Variants in HEPHL1 observed in about 807,000 individuals in gnomAD.
The protein encoded by HEPHL1 is ferroxidase HEPHL1.
HEPHL1 carries 123 observed loss-of-function variants against 122.0 expected under a neutral mutation model. That is an observed-to-expected ratio of 1.01 (90% confidence interval 0.87 to 1.17). The LOEUF is 1.17. Among genes scored for constraint, HEPHL1 ranks in the 50% most tolerant of loss-of-function variants. The probability of loss-of-function intolerance (pLI) is 0.00; values close to 1 mark genes in which losing one functional copy is unlikely to be tolerated. For synonymous variants in HEPHL1, 527 were observed against 508.9 expected, an observed-to-expected ratio of 1.04 and a Z score of -0.48; for missense variants, 1,452 against 1,430.5, an observed-to-expected ratio of 1.01 and a Z score of -0.24.
intron 17 of HEPHL1, among the ~76,000 whole-genome samples, chr11:94,108,572 T>C (rs1045638124): frequency 3.3e-5 from 5 of 152,086 alleles, no homozygotes; most frequent in Admixed American, 2.6e-4. Context: ...AATTTTCATA[T>C]GTGGTTCAAG....
At chr11:94,056,048 T>C in intron 2 of HEPHL1, 1 of 492,422 alleles carries the variant, frequency 2.0e-6, no homozygotes, top group Non-Finnish European at 3.5e-6. Context: ...TTCCTTCCTG[T>C]ATTTTGATGC....
intron 13 of HEPHL1, among the ~76,000 whole-genome samples, chr11:94,097,977 A>C (rs1372639834): frequency 1.3e-5 from 2 of 152,110 alleles, no homozygotes; most frequent in Non-Finnish European, 2.9e-5. Context: ...CCAATTTGCC[A>C]GTCTTTGTCT....
At chr11:94,046,346 C>T (rs1172664669) in intron 2 of HEPHL1, among the ~76,000 whole-genome samples, 4 of 151,492 alleles carry the variant, frequency 2.6e-5, no homozygotes, top group Admixed American at 2.6e-4. Flanking sequence ...GATCCGCCCG[C>T]CTCAGCCTCT....
At chr11:94,042,914 G>T (rs1945799677) in intron 1 of HEPHL1, among the ~76,000 whole-genome samples, 1 of 130,188 alleles carries the variant, frequency 7.7e-6, no homozygotes, top group Non-Finnish European at 1.6e-5. Context: ...TGCTCATTCT[G>T]GCCCAGAGTG....
intron 1 of HEPHL1, among the ~76,000 whole-genome samples, chr11:94,024,638 C>T (rs1025973251): frequency 6.6e-6 from 1 of 152,108 alleles, no homozygotes; most frequent in Non-Finnish European, 1.5e-5. Flanking sequence ...ATGAAGCTTT[C>T]CCCCATGACC....
At chr11:94,104,147 AGGGAAGTAGAGGGAGTGTTT>A (rs1445651923) in intron 15 of HEPHL1, among the ~76,000 whole-genome samples, 1 of 152,170 alleles carries the variant, frequency 6.6e-6, no homozygotes, top group East Asian at 1.9e-4. Flanking sequence ...AGCTGAAAAT[AGGGAAGTAGAGGGAGTGTTT>A]GGGACATGTT....
chr11:94,069,425 T>C (rs1344549732), intron 5 of HEPHL1, among the ~76,000 whole-genome samples: 2 of 152,130 alleles, frequency 1.3e-5, no homozygotes, highest in African/African-American at 2.4e-5. Context: ...CTGGCCCCTA[T>C]AAATTGGTTT....
intron 2 of HEPHL1, among the ~76,000 whole-genome samples, chr11:94,062,564 G>T (rs1945994853): frequency 6.6e-6 from 1 of 151,938 alleles, no homozygotes; most frequent in Non-Finnish European, 1.5e-5. Flanking sequence ...ATTCTTGAAT[G>T]ACTGTGTAAA....
chr11:94,056,384 T>G (rs7938136), intron 2 of HEPHL1, among the ~76,000 whole-genome samples: 88,713 of 151,998 alleles, frequency 0.58, 26,059 homozygotes, highest in South Asian at 0.68. Context: ...ATTTGTCATT[T>G]TGCTAATTAT....
chr11:94,080,513 C>A (rs1444437749), intron 9 of HEPHL1, among the ~76,000 whole-genome samples: 1 of 152,162 alleles, frequency 6.6e-6, no homozygotes, highest in East Asian at 1.9e-4. Flanking sequence ...AACAGACAAC[C>A]TGGAGAGTTG....
At chr11:94,106,808 C>CT (rs1457192590) in intron 17 of HEPHL1, among the ~76,000 whole-genome samples, 1 of 152,112 alleles carries the variant, frequency 6.6e-6, no homozygotes, top group Admixed American at 6.5e-5. Context: ...CCACCCTTTT[C>CT]TTTTTCTGTG....
At chr11:94,067,779 T>C (rs752325456) in intron 5 of HEPHL1, 29 bp downstream of exon 5, 10 of 1,607,754 alleles carry the variant, frequency 6.2e-6, no homozygotes, top group South Asian at 2.2e-5. Flanking sequence ...AGAGTTGATA[T>C]GTTTAGAATG....
chr11:94,112,282 TTA>T lies in HEPHL1; in HGVS notation c.*389_*390del, dbSNP rs1223710648. 1 of 157,358 alleles carries T rather than the reference TTA, an allele frequency of 6.4e-6. No homozygotes were observed. Among genetic ancestry groups the T allele is most frequent in the Non-Finnish European group, 1.4e-5 (1 of 71,706 alleles). 9.7% of individuals were successfully genotyped at this position (157,358 alleles called of 1,614,324 possible). A position where few individuals can be genotyped will look rare whatever the true frequency, so the allele number is the denominator to read the frequency against. On this transcript the variant is annotated 3_prime_UTR_variant, in exon 20 of 20. Transcript: ENST00000315765. The stretch of plus-strand genomic sequence containing the variant: ...CTAGGTGAACAGCTTCTAGAAAAAG[TTA>T]GAGTGCCTCAGACATTTAACTGGAA...
In HEPHL1 at chr11:94,111,917, G is replaced by T. The variant is rs370612422; in HGVS notation, c.*23G>T. The T allele has an allele frequency of 3.4e-6, 5 of 1,485,378 alleles. No homozygotes were observed. The African/African-American group carries it at 7.0e-5, about 21-fold the overall frequency. The allele number at this position is 1,485,378 out of a possible 1,614,324, so 92.0% of individuals were successfully genotyped here. A position where few individuals can be genotyped will look rare whatever the true frequency, so the allele number is the denominator to read the frequency against. On this transcript the variant is annotated 3_prime_UTR_variant, in exon 20 of 20. Transcript: ENST00000315765. ...TGAACCATCTGGTCTCCCTCAACAG[G>T]AAAGGGTGATGTCCCACAGCTGGCC...
chr11:94,029,108 T>G (rs1945650951), intron 1 of HEPHL1, among the ~76,000 whole-genome samples: 1 of 152,222 alleles, frequency 6.6e-6, no homozygotes. Context: ...GGATTAGGCA[T>G]GAGCCACCAC....
chr11:94,111,843 GAC>G lies in HEPHL1; in HGVS notation c.3431_3432del (p.Thr1144ArgfsTer27), dbSNP rs765268726. 1 of 1,535,450 alleles carries G rather than the reference GAC, an allele frequency of 6.5e-7. No homozygotes were observed. Among genetic ancestry groups the G allele is most frequent in the Non-Finnish European group, 8.7e-7 (1 of 1,143,878 alleles). On this transcript the variant is annotated frameshift_variant, in exon 20 of 20. Transcript: ENST00000315765. LOFTEE classifies it high-confidence loss of function. The part of the protein sequence containing the change: ...SLRLCSAMKQ[T>X]DYQQVQSCAL... ...TCAGACTCTGCTCTGCAATGAAGCA[GAC>G]AGATTACCAGCAAGTCCAGTCCTGT...
At chr11:94,023,023 G>A (rs75147302) in intron 1 of HEPHL1, among the ~76,000 whole-genome samples, 3,711 of 152,198 alleles carry the variant, frequency 0.024, 152 homozygotes, top group African/African-American at 0.085. Context: ...CTGTGTATGG[G>A]CATTTATTCT....
Position 94,075,232 on chromosome 11 carries a change from A to T in HEPHL1, c.1563A>T (p.Thr521=), listed in dbSNP as rs745428825. The change falls in exon 9 of 20, where the codon ACA becomes ACT. Residue 521 remains threonine (T), a synonymous_variant. Coordinates refer to ENST00000315765, the MANE Select transcript of HEPHL1 (RefSeq NM_001098672.2). Reference sequence around the variant, plus strand: ...GTGAAACCTTCACATACAAGTGGACAGTGCCTGAGAGCGTAAGCCCAACTG... The same window carrying T: ...GTGAAACCTTCACATACAAGTGGACTGTGCCTGAGAGCGTAAGCCCAACTG... ...KPGETFTYKW[T]VPESVSPTAG... is the part of the protein sequence containing the mutation. 1.9e-6 allele frequency: 3 copies of T among 1,613,478 alleles called. No individual in the cohort carries two copies. The South Asian group carries it at 3.3e-5, about 18-fold the overall frequency.
intron 6 of HEPHL1, among the ~76,000 whole-genome samples, chr11:94,071,590 A>G (rs993969087): frequency 5.3e-5 from 8 of 152,196 alleles, no homozygotes; most frequent in Non-Finnish European, 1.2e-4. Flanking sequence ...TTAATGTGAT[A>G]TATGAAAGCA....
Sources: allele counts gnomAD v4.1 joint callset (sites outside exome capture counted in the v4.1 genomes callset), GRCh38; gene constraint gnomAD v4.1.1; transcripts MANE v1.5; gene names NCBI Gene and HGNC (gene_info 2026-07-23, HGNC 2026-07-21).